Variants in ACSM2A observed in about 807,000 individuals in gnomAD.
The protein encoded by ACSM2A is acyl-coenzyme A synthetase ACSM2A, mitochondrial.
Under a neutral mutation model 76.6 loss-of-function variants are expected in ACSM2A, and 72 were observed. That is an observed-to-expected ratio of 0.94 (90% CI 0.78 to 1.14). The LOEUF (loss-of-function observed/expected upper bound fraction) is 1.14, where lower values mean the gene tolerates loss of function less well. Among genes scored for constraint, ACSM2A ranks in the 50% most tolerant of loss-of-function variants. ACSM2A has a pLI of 0.00. For missense variants in ACSM2A, 684 were observed against 708.5 expected, an observed-to-expected ratio of 0.97 and a Z score of 0.39; for synonymous variants, 249 against 255.9, an observed-to-expected ratio of 0.97 and a Z score of 0.26.
At chr16:20,459,007 G>A (rs2012437059) in intron 1 of ACSM2A, among the ~76,000 whole-genome samples, 1 of 148,664 alleles carries the variant, frequency 6.7e-6, no homozygotes, top group African/African-American at 2.5e-5. Flanking sequence ...AACCTGGATG[G>A]GATTGGAGAC....
intron 1 of ACSM2A, among the ~76,000 whole-genome samples, chr16:20,457,913 G>C (rs892059216): frequency 6.6e-6 from 1 of 151,892 alleles, no homozygotes; most frequent in Non-Finnish European, 1.5e-5. Flanking sequence ...ATACCTAGAA[G>C]ACCTTAAAGA....
intron 2 of ACSM2A, 110 bp from the exon 3 acceptor site, chr16:20,465,407 T>A: frequency 7.1e-7 from 1 of 1,404,098 alleles, no homozygotes; most frequent in Non-Finnish European, 9.6e-7. Flanking sequence ...ATGGAGGTGC[T>A]GAGATAAAAA....
chr16:20,473,677 C>T (rs994325003), intron 6 of ACSM2A, among the ~76,000 whole-genome samples: 11 of 152,164 alleles, frequency 7.2e-5, no homozygotes, highest in East Asian at 5.8e-4. Context: ...GGCCCCATCC[C>T]GCCAGCCATC....
intron 10 of ACSM2A, among the ~76,000 whole-genome samples, chr16:20,479,453 C>G (rs528469969): frequency 1.3e-5 from 2 of 152,096 alleles, no homozygotes; most frequent in Non-Finnish European, 2.9e-5. Context: ...TCAGTTTGCT[C>G]GAGTTCAAAA....
chr16:20,468,654 C>A (rs113491155), intron 3 of ACSM2A, among the ~76,000 whole-genome samples: 1 of 152,212 alleles, frequency 6.6e-6, no homozygotes, highest in East Asian at 1.9e-4. Context: ...GCCACCATAC[C>A]TGGCCCTAAG....
intron 12 of ACSM2A, 155 bp downstream of exon 12, chr16:20,481,076 G>T (rs1372851624): frequency 1.1e-6 from 1 of 939,914 alleles, no homozygotes; most frequent in East Asian, 2.7e-5. Flanking sequence ...AAGCTACTTG[G>T]CCTCTCTGTT....
chr16:20,458,905 C>CATATAT (rs72108144), intron 1 of ACSM2A, among the ~76,000 whole-genome samples: 2,384 of 74,698 alleles, frequency 0.032, 52 homozygotes, highest in South Asian at 0.08. Context: ...TATATATATG[C>CATATAT]ATATATATAT....
At chr16:20,477,318 G>C in intron 8 of ACSM2A, 51 bp from the exon 9 acceptor site, 1 of 1,574,156 alleles carries the variant, frequency 6.4e-7, no homozygotes, top group Non-Finnish European at 8.6e-7. Flanking sequence ...CTTTTTCTGT[G>C]ACCTTGTACC....
rs752587362 is a variant in ACSM2A, at chr16:20,464,175, C to T, written c.178-1342C>T. 2.8e-4 allele frequency among the ~76,000 whole-genome samples: 43 copies of T among 152,324 alleles called. No individual in the cohort carries two copies. The East Asian group carries it at 3.3e-3, about 12-fold the overall frequency. On this transcript the variant is annotated intron_variant, in intron 2 of 13. Coordinates refer to ENST00000573854, the MANE Select transcript of ACSM2A (RefSeq NM_001308172.2). Reference sequence around the variant, plus strand: ...ACAACTATTTAACCAGTGCCTAAGACGTTCCGAACTTTTCCTCATCTTTCT... The same window carrying T: ...ACAACTATTTAACCAGTGCCTAAGATGTTCCGAACTTTTCCTCATCTTTCT...
At chr16:20,475,003 T>G (rs765867005) in intron 6 of ACSM2A, among the ~76,000 whole-genome samples, 3 of 152,212 alleles carry the variant, frequency 2.0e-5, no homozygotes, top group Non-Finnish European at 2.9e-5. Context: ...CCAAGACAGC[T>G]GCTGTGCTCA....
At chr16:20,478,400 C>T (rs2013877331) in intron 9 of ACSM2A, among the ~76,000 whole-genome samples, 176 bp from the exon 10 acceptor site, 1 of 152,170 alleles carries the variant, frequency 6.6e-6, no homozygotes, top group African/African-American at 2.4e-5. Context: ...CTATTCCAGG[C>T]AGATAGATCA....
intron 2 of ACSM2A, among the ~76,000 whole-genome samples, chr16:20,461,341 A>G (rs2012611559): frequency 1.3e-5 from 2 of 152,116 alleles, no homozygotes; most frequent in African/African-American, 2.4e-5. Flanking sequence ...ATTTTCAAAC[A>G]GAAATTTAGA....
chr16:20,471,367 C>T, intron 5 of ACSM2A, 151 bp downstream of exon 5: 1 of 1,493,218 alleles, frequency 6.7e-7, no homozygotes, highest in East Asian at 2.3e-5. Flanking sequence ...GATAGAACAA[C>T]TTTTCTTCCC....
At chr16:20,465,931 A>G (rs1298054001) in intron 3 of ACSM2A, among the ~76,000 whole-genome samples, 1 of 152,182 alleles carries the variant, frequency 6.6e-6, no homozygotes, top group Non-Finnish European at 1.5e-5. Context: ...CAACAATGAC[A>G]TAGTTTACAT....
rs2013909602 is a variant in ACSM2A at position 20,478,710 on chromosome 16, C to T, written c.1281+33C>T. ...ACTGTGCTCCTCCTCCTCTGTTCCC[C>T]AGTGAGGATGGGAGCACTAAACGGG... On this transcript the variant is annotated intron_variant, in intron 10 of 13. Transcript: ENST00000573854. 3 of 1,592,918 alleles carry T rather than the reference C, an allele frequency of 1.9e-6. No homozygotes were observed. In the South Asian group the frequency reaches 3.4e-5, roughly 18 times the overall value.
intron 8 of ACSM2A, chr16:20,476,246 T>C (rs1262156105): frequency 4.0e-6 from 4 of 995,428 alleles, no homozygotes; most frequent in Non-Finnish European, 4.8e-6. Flanking sequence ...TCCTGACATA[T>C]CTTCTTGGAA....
intron 3 of ACSM2A, 33 bp downstream of exon 3, chr16:20,465,760 C>A (rs775393693): frequency 3.0e-5 from 48 of 1,602,694 alleles, no homozygotes; most frequent in Non-Finnish European, 3.8e-5. Flanking sequence ...AGAGAACTGT[C>A]TTCCTTGTGA....
rs926069647 is a variant in ACSM2A at position 20,486,837 on chromosome 16, A to T, written c.*159A>T. On this transcript the variant is annotated 3_prime_UTR_variant, in exon 14 of 14. Transcript: ENST00000573854. ...TTAGCACAAAACTTTACCATGTTAG[A>T]TGTTGAAAGAAGAAAGGGAAGGAAT... 5 of 853,824 alleles carry T rather than the reference A, an allele frequency of 5.9e-6. No individual in the cohort carries two copies. The African/African-American group carries it at 6.8e-5, about 12-fold the overall frequency. 52.9% of individuals were successfully genotyped at this position (853,824 alleles called of 1,614,324 possible).
chr16:20,475,746 C>A lies in ACSM2A; in HGVS notation c.1071C>A (p.Ile357=), dbSNP rs2013699566. ...GGAGGGCCCAGACAGGACTGGACATCCGAGAATCCTATGGCCAGACAGAAA... is the reference window on the plus strand; with the variant it reads ...GGAGGGCCCAGACAGGACTGGACATACGAGAATCCTATGGCCAGACAGAAA... ...ENWRAQTGLD[I]RESYGQTETG... Residue 357 remains isoleucine, a synonymous_variant, in exon 8 of 14, where the codon ATC becomes ATA. Coordinates refer to ENST00000573854, the MANE Select transcript of ACSM2A (RefSeq NM_001308172.2). The A allele has an allele frequency of 6.2e-7, 1 of 1,613,906 alleles. No homozygotes were observed. The highest frequency in any genetic ancestry group is 8.5e-7 in the Non-Finnish European group (1 of 1,179,916).
Sources: allele counts gnomAD v4.1 joint callset (sites outside exome capture counted in the v4.1 genomes callset), GRCh38; gene constraint gnomAD v4.1.1; transcripts MANE v1.5; gene names NCBI Gene and HGNC (gene_info 2026-07-23, HGNC 2026-07-21).